Variants in FOXP1 observed in about 807,000 individuals in gnomAD.
FOXP1 encodes forkhead box P1.
A neutral mutation model predicts 98.2 loss-of-function variants in FOXP1; 15 were observed. That is an observed-to-expected ratio of 0.15 (90% CI 0.10 to 0.24). The LOEUF is 0.24. Ranked by LOEUF, FOXP1 falls within the 10% of genes least tolerant of loss-of-function variation. The probability of loss-of-function intolerance (pLI) is 1.00; values close to 1 mark genes in which losing one functional copy is unlikely to be tolerated. For synonymous variants in FOXP1, 371 were observed against 314.5 expected (o/e 1.18, Z -1.90); for missense variants, 633 against 848.5 (o/e 0.75, Z 3.15).
At chr3:71,445,918 G>T (rs527992313) in intron 3 of FOXP1, among the ~76,000 whole-genome samples, 1 of 152,040 alleles carries the variant, frequency 6.6e-6, no homozygotes, top group Non-Finnish European at 1.5e-5. Context: ...AACTCCTGCC[G>T]TCAGGTGATC....
intron 5 of FOXP1, among the ~76,000 whole-genome samples, chr3:71,200,021 G>T (rs1001916085): frequency 7.3e-6 from 1 of 137,792 alleles, no homozygotes; most frequent in African/African-American, 2.7e-5. Context: ...GGCGGAGGTT[G>T]CAGTGAGCTG....
chr3:71,242,141 G>A (rs2067334110), intron 5 of FOXP1, among the ~76,000 whole-genome samples: 2 of 152,304 alleles, frequency 1.3e-5, no homozygotes, highest in African/African-American at 4.8e-5. Context: ...TAACAATGCA[G>A]GGGTGACCTG....
chr3:71,444,893 T>C (rs1449667514), intron 3 of FOXP1, among the ~76,000 whole-genome samples: 2 of 152,084 alleles, frequency 1.3e-5, no homozygotes. Context: ...GGGATGGCCA[T>C]GGGGACTGGA....
Position 70,956,773 on chromosome 3 carries a change from T to TTTTTTTTTGAG in FOXP1, c.*2473_*2474insCTCAAAAAAAA, listed in dbSNP as rs2031935904. Reference sequence around the variant, plus strand: ...TTTTTTTTTTTTTTTTTTTTTTTTTTAAAGTCTTGCGTGACCACAGACTGC... The same window carrying TTTTTTTTTGAG: ...TTTTTTTTTTTTTTTTTTTTTTTTTTTTTTTTTTGAGAAAGTCTTGCGTGACCACAGACTGC... On this transcript the variant is annotated 3_prime_UTR_variant, in exon 21 of 21. Transcript: ENST00000649528. 1 of 146,842 alleles carries TTTTTTTTTGAG rather than the reference T, an allele frequency of 6.8e-6. No homozygotes were observed. Among genetic ancestry groups the TTTTTTTTTGAG allele is most frequent in the Non-Finnish European group, 1.3e-5 (1 of 78,878 alleles). The allele number at this position is 146,842 out of a possible 1,614,324, so 9.1% of individuals were successfully genotyped here. A position where few individuals can be genotyped will look rare whatever the true frequency, so the allele number is the denominator to read the frequency against.
chr3:71,559,870 G>T (rs1433376106), intron 2 of FOXP1, among the ~76,000 whole-genome samples: 1 of 151,704 alleles, frequency 6.6e-6, no homozygotes, highest in Non-Finnish European at 1.5e-5. Flanking sequence ...GTTGCGGGGG[G>T]GACCTACTAG....
intron 5 of FOXP1, among the ~76,000 whole-genome samples, chr3:71,298,598 GTA>G (rs1290856395): frequency 1.3e-5 from 2 of 152,170 alleles, no homozygotes; most frequent in African/African-American, 4.8e-5. Context: ...CATCTGAAAC[GTA>G]TGTTTGTCCT....
chr3:71,528,904 G>A (rs1485461856), intron 2 of FOXP1, among the ~76,000 whole-genome samples: 2 of 152,206 alleles, frequency 1.3e-5, no homozygotes, highest in Admixed American at 6.5e-5. Flanking sequence ...GAAGTATGAA[G>A]TATCTTCAAG....
chr3:71,327,068 A>G (rs2075735652), intron 4 of FOXP1, among the ~76,000 whole-genome samples: 1 of 152,088 alleles, frequency 6.6e-6, no homozygotes, highest in Non-Finnish European at 1.5e-5. Flanking sequence ...CCCATTCTAG[A>G]ATCCAAGGTC....
chr3:71,239,539 T>C (rs2067075810), intron 5 of FOXP1, among the ~76,000 whole-genome samples: 2 of 151,928 alleles, frequency 1.3e-5, no homozygotes, highest in South Asian at 4.2e-4. Context: ...GCAAGACTCC[T>C]TCTCAAAAAC....
intron 3 of FOXP1, among the ~76,000 whole-genome samples, chr3:71,375,721 T>C (rs1293591559): frequency 2.0e-5 from 3 of 152,148 alleles, no homozygotes; most frequent in African/African-American, 7.2e-5. Flanking sequence ...AACAATGTCA[T>C]TAAAAGACAA....
rs1237364087 is a variant in FOXP1, at chr3:71,026,434, A to G, written c.870-10781T>C. On this transcript the variant is annotated intron_variant, in intron 11 of 20. Transcript: ENST00000649528. ...ACACTGACAAAGTAGCAAGTCTCTGAAGACGTACTTTAATTTGAATTTTCA... is the reference window on the plus strand; with the variant it reads ...ACACTGACAAAGTAGCAAGTCTCTGGAGACGTACTTTAATTTGAATTTTCA... Among the ~76,000 whole-genome samples, 6 of 152,288 alleles carry G rather than the reference A, an allele frequency of 3.9e-5. No individual in the cohort carries two copies. In the East Asian group the frequency reaches 1.2e-3, roughly 29 times the overall value.
intron 3 of FOXP1, among the ~76,000 whole-genome samples, chr3:71,383,886 T>C (rs2080366912): frequency 6.6e-6 from 1 of 152,104 alleles, no homozygotes; most frequent in South Asian, 2.1e-4. Flanking sequence ...GGTCATGATG[T>C]ATAGAGAAAG....
chr3:71,403,354 T>C (rs1192080823), intron 3 of FOXP1, among the ~76,000 whole-genome samples: 1 of 152,224 alleles, frequency 6.6e-6, no homozygotes, highest in Non-Finnish European at 1.5e-5. Context: ...AAAAATGATG[T>C]GGCTCATCAC....
At chr3:71,190,712 G>T (rs1293879364) in intron 6 of FOXP1, among the ~76,000 whole-genome samples, 6 of 150,016 alleles carry the variant, frequency 4.0e-5, no homozygotes, top group African/African-American at 1.5e-4. Context: ...AATTGCAGCT[G>T]TTTTCTAGTG....
At chr3:71,277,073 C>T (rs184911605) in intron 5 of FOXP1, among the ~76,000 whole-genome samples, 123 of 151,650 alleles carry the variant, frequency 8.1e-4, no homozygotes, top group Admixed American at 2.3e-3. Context: ...ATTCTCCTGC[C>T]TCAGCCTCCC....
chr3:71,409,050 G>A (rs1313647964), intron 3 of FOXP1, among the ~76,000 whole-genome samples: 3 of 152,168 alleles, frequency 2.0e-5, no homozygotes, highest in East Asian at 1.9e-4. Flanking sequence ...GCAGACTAAC[G>A]TGCACAGCAG....
chr3:71,152,914 G>A (rs913448806), intron 6 of FOXP1, among the ~76,000 whole-genome samples: 1 of 152,124 alleles, frequency 6.6e-6, no homozygotes, highest in African/African-American at 2.4e-5. Context: ...CCATTCTGAC[G>A]CACTTACAGA....
chr3:71,202,493 C>T (rs907140962), intron 5 of FOXP1, among the ~76,000 whole-genome samples: 2 of 152,196 alleles, frequency 1.3e-5, no homozygotes, highest in African/African-American at 4.8e-5. Flanking sequence ...TATCACACTT[C>T]ACAAATTGCA....
intron 3 of FOXP1, among the ~76,000 whole-genome samples, chr3:71,486,990 G>A (rs1214268738): frequency 2.0e-5 from 3 of 152,030 alleles, no homozygotes; most frequent in Non-Finnish European, 2.9e-5. Flanking sequence ...GTCAGCACCC[G>A]GCATGTATGT....
Sources: gnomAD v4.1 joint callset for allele counts (sites outside exome capture counted in the v4.1 genomes callset) on GRCh38, gnomAD v4.1.1 for gene constraint, MANE v1.5 for transcripts, NCBI Gene and HGNC (gene_info 2026-07-23, HGNC 2026-07-21) for gene names.